Variants in KDM4C observed in about 807,000 individuals in gnomAD.
The protein encoded by KDM4C is lysine demethylase 4C.
In KDM4C, 81 loss-of-function variants were observed where a neutral mutation model predicts 129.3. That is an observed-to-expected ratio of 0.63 (90% CI 0.52 to 0.75). The LOEUF (loss-of-function observed/expected upper bound fraction) is 0.75, where lower values mean the gene tolerates loss of function less well. Ranked by LOEUF, KDM4C falls within the 30% of genes least tolerant of loss-of-function variation. The pLI, the probability that KDM4C is intolerant of heterozygous loss-of-function variation, is 0.00. For missense variants in KDM4C, 1,457 were observed against 1,304.0 expected (o/e 1.12, Z -1.81); for synonymous variants, 573 against 456.1 (o/e 1.26, Z -3.26).
At chr9:7,126,769 A>C (rs1840065852) in intron 18 of KDM4C, among the ~76,000 whole-genome samples, 1 of 152,110 alleles carries the variant, frequency 6.6e-6, no homozygotes, top group South Asian at 2.1e-4. Context: ...AAACTGAACC[A>C]TACTCCTGGA....
chr9:6,777,940 A>G (rs1387078519), intron 1 of KDM4C, among the ~76,000 whole-genome samples: 4 of 148,146 alleles, frequency 2.7e-5, no homozygotes, highest in African/African-American at 7.5e-5. Context: ...TTCTCCCCAT[A>G]AAGACAGGAT....
intron 5 of KDM4C, among the ~76,000 whole-genome samples, chr9:6,868,703 T>G (rs1842416067): frequency 6.6e-6 from 1 of 152,064 alleles, no homozygotes; most frequent in African/African-American, 2.4e-5. Flanking sequence ...CCCCTCCACG[T>G]ATTTTTGATC....
rs199911338 is a variant in KDM4C at position 6,742,008 on chromosome 9, TGTCACCCAGGCTGAA to T, written c.49+21014_49+21028del. On this transcript the variant is annotated intron_variant, in intron 1 of 17. Coordinates refer to the KDM4C transcript ENST00000536108. ...TTTTTTTGGAGACGGAGTCTTGCTC[TGTCACCCAGGCTGAA>T]GTGCAGTGGAGTGATCTCGGCTCAC... Among the ~76,000 whole-genome samples, 1,438 of 152,192 alleles carry T rather than the reference TGTCACCCAGGCTGAA, an allele frequency of 9.4e-3. 22 individuals are homozygous for T. Among genetic ancestry groups the T allele is most frequent in the African/African-American group, 0.033 (1,369 of 41,530 alleles).
At chr9:6,929,466 TTTTTC>T (rs1448058896) in intron 8 of KDM4C, among the ~76,000 whole-genome samples, 2 of 131,094 alleles carry the variant, frequency 1.5e-5, no homozygotes, top group Non-Finnish European at 3.2e-5. Context: ...CCTGTTTGAC[TTTTTC>T]TTTTTTTTTT....
chr9:6,752,157 C>T (rs539138035), intron 1 of KDM4C, among the ~76,000 whole-genome samples: 84 of 150,440 alleles, frequency 5.6e-4, no homozygotes, highest in Non-Finnish European at 1.0e-3. Flanking sequence ...CACGGTGAAA[C>T]CCCGTCTCTA....
At chr9:6,865,215 T>G (rs140089510) in intron 5 of KDM4C, among the ~76,000 whole-genome samples, 1 of 152,008 alleles carries the variant, frequency 6.6e-6, no homozygotes, top group Non-Finnish European at 1.5e-5. Flanking sequence ...TCACCGTGTT[T>G]GCCAGGATGG....
At chr9:7,117,453 C>T (rs556081143) in intron 18 of KDM4C, among the ~76,000 whole-genome samples, 1 of 152,228 alleles carries the variant, frequency 6.6e-6, no homozygotes, top group South Asian at 2.1e-4. Context: ...AGTGTCCCAT[C>T]AGACGTCATT....
chr9:6,795,533 T>C (rs1827569418), intron 2 of KDM4C, among the ~76,000 whole-genome samples: 1 of 152,138 alleles, frequency 6.6e-6, no homozygotes, highest in African/African-American at 2.4e-5. Context: ...GGTTTCACCA[T>C]GTTGGCTAGG....
At chr9:7,097,989 C>T (rs768618823) in intron 17 of KDM4C, among the ~76,000 whole-genome samples, 1 of 152,140 alleles carries the variant, frequency 6.6e-6, no homozygotes, top group Non-Finnish European at 1.5e-5. Context: ...AAGGTGCTTC[C>T]GCAAGGATTC....
At chr9:6,803,713 G>C (rs1344320910) in intron 2 of KDM4C, among the ~76,000 whole-genome samples, 1 of 150,376 alleles carries the variant, frequency 6.6e-6, no homozygotes, top group Non-Finnish European at 1.5e-5. Flanking sequence ...TTTGAGACCA[G>C]CCTGGGCAAC....
intron 19 of KDM4C, among the ~76,000 whole-genome samples, chr9:7,153,284 C>T (rs896978365): frequency 6.6e-6 from 1 of 152,154 alleles, no homozygotes; most frequent in Non-Finnish European, 1.5e-5. Context: ...CTAATCTCTA[C>T]ATGAAGGGTG....
At chr9:6,987,847 C>T (rs1170546432) in intron 11 of KDM4C, among the ~76,000 whole-genome samples, 2 of 151,940 alleles carry the variant, frequency 1.3e-5, no homozygotes, top group African/African-American at 4.8e-5. Flanking sequence ...ATAGCATTCA[C>T]ATACTAATAA....
At chr9:6,879,479 G>C (rs1464668216) in intron 5 of KDM4C, among the ~76,000 whole-genome samples, 1 of 152,108 alleles carries the variant, frequency 6.6e-6, no homozygotes, top group Admixed American at 6.5e-5. Context: ...AAGTCTGTTT[G>C]AAAATTACGG....
chr9:6,971,759 C>A (rs1211645030), intron 8 of KDM4C, among the ~76,000 whole-genome samples: 2 of 152,028 alleles, frequency 1.3e-5, no homozygotes, highest in Non-Finnish European at 2.9e-5. Context: ...GTTATCTAAT[C>A]AAGGGTTCTA....
intron 8 of KDM4C, chr9:6,924,605 C>T (rs1226669427): frequency 3.8e-6 from 1 of 264,588 alleles, no homozygotes; most frequent in East Asian, 1.8e-4. Context: ...TTTTCTGTAC[C>T]TTGCCCACGC....
chr9:6,916,914 T>G (rs1820410299), intron 8 of KDM4C, among the ~76,000 whole-genome samples: 1 of 152,160 alleles, frequency 6.6e-6, no homozygotes, highest in South Asian at 2.1e-4. Flanking sequence ...TAGATTAGAG[T>G]AGAAACATCC....
At chr9:6,815,006 C>T in intron 4 of KDM4C, 1 of 281,674 alleles carries the variant, frequency 3.6e-6, no homozygotes, top group Non-Finnish European at 6.6e-6. Flanking sequence ...TACATTAAAA[C>T]TTTTTAAAGC....
chr9:6,766,500 A>C (rs915885779), intron 1 of KDM4C, among the ~76,000 whole-genome samples: 1 of 152,134 alleles, frequency 6.6e-6, no homozygotes, highest in Non-Finnish European at 1.5e-5. Flanking sequence ...AGTGGAGTTC[A>C]TAGTCCTGCT....
intron 1 of KDM4C, among the ~76,000 whole-genome samples, chr9:6,744,532 G>A (rs1817814479): frequency 1.3e-5 from 2 of 151,876 alleles, no homozygotes; most frequent in East Asian, 1.9e-4. Flanking sequence ...TCAAAAAAAA[G>A]AAAAAGAAAA....
Sources: allele counts gnomAD v4.1 joint callset (sites outside exome capture counted in the v4.1 genomes callset), GRCh38; gene constraint gnomAD v4.1.1; transcripts MANE v1.5; gene names NCBI Gene and HGNC (gene_info 2026-07-23, HGNC 2026-07-21).